Variants in ZNF658 observed in about 807,000 individuals in gnomAD.
ZNF658 encodes the protein zinc finger protein 658.
A neutral mutation model predicts 78.0 loss-of-function variants in ZNF658; 46 were observed. The observed-to-expected ratio is 0.59, with a 90% CI of 0.47 to 0.75. ZNF658 has a LOEUF of 0.75. Ranked by LOEUF, ZNF658 falls within the 30% of genes least tolerant of loss-of-function variation. The pLI is 0.00. For missense variants in ZNF658, 785 were observed against 1,189.3 expected, an observed-to-expected ratio of 0.66 and a Z score of 5.00; for synonymous variants, 279 against 408.4, an observed-to-expected ratio of 0.68 and a Z score of 3.82.
At chr9:66,907,442 G>A (rs960982877) in intron 2 of ZNF658, among the ~76,000 whole-genome samples, 5 of 151,984 alleles carry the variant, frequency 3.3e-5, no homozygotes, top group African/African-American at 7.3e-5. Flanking sequence ...CTGTGCAATA[G>A]CTCAAAAACT....
chr9:66,910,021 C>T (rs1396576060), intron 4 of ZNF658, among the ~76,000 whole-genome samples: 8 of 152,096 alleles, frequency 5.3e-5, no homozygotes, highest in Non-Finnish European at 1.2e-4. Flanking sequence ...AGAGAGAATA[C>T]TCTGGTGTTT....
chr9:66,907,759 C>T (rs1177486499), intron 2 of ZNF658, among the ~76,000 whole-genome samples: 1 of 152,190 alleles, frequency 6.6e-6, no homozygotes, highest in African/African-American at 2.4e-5. Flanking sequence ...GCTGTGACCT[C>T]AGTGTAGGAA....
downstream of ZNF658, among the ~76,000 whole-genome samples, chr9:66,923,761 G>A (rs998547010): frequency 7.3e-5 from 11 of 150,010 alleles, no homozygotes; most frequent in South Asian, 2.1e-4. Context: ...ATTCTCTCCC[G>A]GATCAGGAAG....
At chr9:66,921,675 G>T (rs1822530137), downstream of ZNF658, among the ~76,000 whole-genome samples, 1 of 152,090 alleles carries the variant, frequency 6.6e-6, no homozygotes, top group African/African-American at 2.4e-5. Flanking sequence ...ATCGATTGCA[G>T]AATGGCAAAT....
At chr9:66,915,070 CACACACA>C in intron 4 of ZNF658, among the ~76,000 whole-genome samples, 1 of 151,526 alleles carries the variant, frequency 6.6e-6, no homozygotes, top group South Asian at 2.1e-4. Context: ...CACACACACA[CACACACA>C]CACACACACA....
chr9:66,905,956 C>T (rs1363187547), intron 2 of ZNF658, among the ~76,000 whole-genome samples: 1 of 149,840 alleles, frequency 6.7e-6, no homozygotes, highest in African/African-American at 2.5e-5. Context: ...TCTTGTTTTG[C>T]ATTTTTTGTT....
intron 1 of ZNF658, among the ~76,000 whole-genome samples, chr9:66,901,768 A>T (rs1164147548): frequency 6.6e-6 from 1 of 151,412 alleles, no homozygotes; most frequent in East Asian, 1.9e-4. Context: ...ATCATGGCAA[A>T]AGCCCATCTC....
At chr9:66,925,921 AG>A (rs1048698502), downstream of ZNF658, among the ~76,000 whole-genome samples, 35 of 146,096 alleles carry the variant, frequency 2.4e-4, no homozygotes, top group African/African-American at 6.9e-4. Context: ...CCTGAGTTGC[AG>A]GGATGGTTCA....
Position 66,918,140 on chromosome 9 carries a change from G to T in ZNF658, c.574G>T (p.Gly192Cys), listed in dbSNP as rs373461942. 8.2e-6 allele frequency: 13 copies of T among 1,594,790 alleles called. No individual in the cohort carries two copies. Among genetic ancestry groups the T allele is most frequent in the Admixed American group, 1.8e-5 (1 of 55,334 alleles). Residue 192 changes from glycine (G) to cysteine (C), a missense_variant, in exon 5 of 5, where the codon GGT becomes TGT. This residue lies in a region of ZNF658 where 393 missense variants were observed against 400.2 expected (regional missense o/e 0.98). Coordinates refer to ENST00000621410, the MANE Select transcript of ZNF658 (RefSeq NM_033160.7). ...AHAEEKSYEH[G>C]ENAKAFSYKK... ...TGCTGAAGAGAAATCTTATGAACAT[G>T]GTGAAAATGCTAAAGCTTTCAGTTA...
downstream of ZNF658, among the ~76,000 whole-genome samples, chr9:66,923,044 T>C (rs1319861807): frequency 2.0e-5 from 3 of 151,374 alleles, no homozygotes; most frequent in East Asian, 3.9e-4. Context: ...TGTCACAAGG[T>C]GAAGTCCCAA....
chr9:66,909,624 C>T (rs1163850019), intron 4 of ZNF658, among the ~76,000 whole-genome samples: 1 of 151,980 alleles, frequency 6.6e-6, no homozygotes, highest in African/African-American at 2.4e-5. Flanking sequence ...GTGTCTTTAT[C>T]TGTTTGAGGA....
At chr9:66,901,869 G>A (rs1587351604) in intron 1 of ZNF658, among the ~76,000 whole-genome samples, 2 of 152,218 alleles carry the variant, frequency 1.3e-5, no homozygotes, top group East Asian at 1.9e-4. Flanking sequence ...GCTCGAACCC[G>A]AGGCGGACGC....
rs1192748040 is a variant in ZNF658 at position 66,917,954 on chromosome 9, G to C, written c.388G>C (p.Glu130Gln). 4 of 1,609,888 alleles carry C rather than the reference G, an allele frequency of 2.5e-6. No individual in the cohort carries two copies. In the South Asian group the frequency reaches 4.4e-5, roughly 18 times the overall value. ...EKPFNLEIAP[E>Q]LSEKISCKCD... ...ACCATTTAATCTGGAAATAGCTCCA[G>C]AGCTTTCAGAAAAAATATCCTGTAA... Residue 130 changes from glutamate (E) to glutamine (Q), a missense_variant, in exon 5 of 5, where the codon GAG (glutamate) becomes CAG (glutamine). Coordinates refer to ENST00000621410, the MANE Select transcript of ZNF658 (RefSeq NM_033160.7).
chr9:66,930,761 C>A (rs985546459), intron 6 of ZNF658, among the ~76,000 whole-genome samples: 1 of 151,428 alleles, frequency 6.6e-6, no homozygotes, highest in African/African-American at 2.4e-5. Context: ...CTTTTCTTAA[C>A]CTATAAGAGC....
In ZNF658 at chr9:66,908,667, C is replaced by T. The variant is rs1433201995; in HGVS notation, c.171C>T (p.Ile57=). 1.9e-6 allele frequency: 3 copies of T among 1,565,722 alleles called. No homozygotes were observed. The South Asian group carries it at 3.4e-5, about 18-fold the overall frequency. The change falls in exon 4 of 5, where the codon ATC becomes ATT. Residue 57 remains isoleucine, a synonymous_variant. Transcript: ENST00000621410. ...VGYCITKPKV[I]SKLEKGEEPW... Reference sequence around the variant, plus strand: ...ATTGCATTACTAAACCTAAGGTGATCTCCAAGTTGGAGAAAGGAGAAGAGC... The same window carrying T: ...ATTGCATTACTAAACCTAAGGTGATTTCCAAGTTGGAGAAAGGAGAAGAGC...
Position 66,920,827 on chromosome 9 carries a change from T to A in ZNF658, c.*81T>A, listed in dbSNP as rs1012732126. 49 of 628,494 alleles carry A rather than the reference T, an allele frequency of 7.8e-5. No individual in the cohort carries two copies. Among genetic ancestry groups the A allele is most frequent in the African/African-American group, 6.9e-4 (37 of 53,626 alleles). The allele number at this position is 628,494 out of a possible 1,614,324, so 38.9% of individuals were successfully genotyped here. A position where few individuals can be genotyped will look rare whatever the true frequency, so the allele number is the denominator to read the frequency against. ...TGGGAACTTGTTTCCCTTATCCATT[T>A]CCTTTTTCATTAGGCTCATAGTTTG... On this transcript the variant is annotated 3_prime_UTR_variant, in exon 5 of 5. Coordinates refer to ENST00000621410, the MANE Select transcript of ZNF658 (RefSeq NM_033160.7).
At position 66,920,055 on chromosome 9, in the gene ZNF658, A is replaced by T; in HGVS notation, c.2489A>T (p.Gln830Leu). Residue 830 changes from glutamine to leucine, a missense_variant, in exon 5 of 5, where the codon CAA becomes CTA. Around this residue, in one of 12 missense-constraint regions of ZNF658, gnomAD observed 58 missense variants for 63.0 expected, o/e 0.92. Coordinates refer to ENST00000621410, the MANE Select transcript of ZNF658 (RefSeq NM_033160.7). ...GGGGAGAAACCCTATGAATGTAACC[A>T]ATGTGGGAAAACTTTCTCCCAAAGA... ...HTGEKPYECNQCGKTFSQRTH... is the reference protein window; with the variant it reads ...HTGEKPYECNLCGKTFSQRTH... 1.2e-6 allele frequency: 2 copies of T among 1,613,380 alleles called. No homozygotes were observed. The highest frequency in any genetic ancestry group is 1.7e-6 in the Non-Finnish European group (2 of 1,179,886).
chr9:66,903,319 G>A (rs906494001), intron 1 of ZNF658, 199 bp from the exon 2 acceptor site: 2 of 517,608 alleles, frequency 3.9e-6, no homozygotes, highest in South Asian at 4.9e-5. Flanking sequence ...TCTGCATTGG[G>A]AATCCTTTTC....
intron 1 of ZNF658, chr9:66,902,875 A>T (rs1248747968): frequency 2.0e-5 from 3 of 151,992 alleles, no homozygotes; most frequent in African/African-American, 7.2e-5. Flanking sequence ...ATTATTTTTA[A>T]ATTTATTTAT....
Sources: gnomAD v4.1 joint callset for allele counts (sites outside exome capture counted in the v4.1 genomes callset) on GRCh38, gnomAD v4.1.1 for gene constraint, gnomAD v4.1.1 regional missense constraint, MANE v1.5 for transcripts, NCBI Gene and HGNC (gene_info 2026-07-23, HGNC 2026-07-21) for gene names.